Variants in GRM7 observed in about 807,000 individuals in gnomAD.
The protein encoded by GRM7 is glutamate metabotropic receptor 7.
Under a neutral mutation model 84.5 loss-of-function variants are expected in GRM7, and 35 were observed. The ratio of observed to expected loss-of-function variants is 0.41; its 90% confidence interval spans 0.32 to 0.55. GRM7 has a LOEUF of 0.55. Ranked by LOEUF, GRM7 falls within the 20% of genes least tolerant of loss-of-function variation. GRM7 has a pLI of 0.19. For synonymous variants in GRM7, 487 were observed against 455.1 expected (o/e 1.07, Z -0.89); for missense variants, 1,003 against 1,194.6 (o/e 0.84, Z 2.36).
intron 9 of GRM7, among the ~76,000 whole-genome samples, chr3:7,705,895 T>TTA (rs1032126888): frequency 6.6e-6 from 1 of 152,164 alleles, no homozygotes; most frequent in Non-Finnish European, 1.5e-5. Flanking sequence ...ATGATCTAAA[T>TTA]TATGTATCTA....
intron 1 of GRM7, among the ~76,000 whole-genome samples, chr3:7,077,606 A>G (rs1364882294): frequency 6.6e-6 from 1 of 152,088 alleles, no homozygotes; most frequent in Non-Finnish European, 1.5e-5. Flanking sequence ...TAGCATTAAG[A>G]GAAATACCTA....
chr3:7,218,245 A>C (rs1206331914), intron 2 of GRM7, among the ~76,000 whole-genome samples: 2 of 152,166 alleles, frequency 1.3e-5, no homozygotes, highest in Non-Finnish European at 2.9e-5. Context: ...CTACTAACTT[A>C]CTGACTAAAT....
At chr3:6,992,638 A>G (rs1466686827) in intron 1 of GRM7, among the ~76,000 whole-genome samples, 1 of 152,166 alleles carries the variant, frequency 6.6e-6, no homozygotes, top group African/African-American at 2.4e-5. Flanking sequence ...GGGCCAAAAG[A>G]GGAAATAGTG....
intron 1 of GRM7, among the ~76,000 whole-genome samples, chr3:7,031,435 G>C (rs1036762561): frequency 2.8e-5 from 4 of 142,946 alleles, no homozygotes; most frequent in Admixed American, 1.4e-4. Context: ...TATTTATTTT[G>C]AGATGGAGTC....
chr3:7,484,903 G>C (rs1428622693), intron 7 of GRM7, among the ~76,000 whole-genome samples: 1 of 152,126 alleles, frequency 6.6e-6, no homozygotes, highest in African/African-American at 2.4e-5. Context: ...AAAAGACTGT[G>C]GTGTCTGTCT....
intron 1 of GRM7, among the ~76,000 whole-genome samples, chr3:7,104,531 A>G (rs1429785473): frequency 6.6e-6 from 1 of 151,836 alleles, no homozygotes; most frequent in Non-Finnish European, 1.5e-5. Flanking sequence ...CTACAGAAAT[A>G]ACTCTCAAAT....
chr3:7,142,561 A>G (rs760830018), intron 1 of GRM7, among the ~76,000 whole-genome samples: 11 of 152,138 alleles, frequency 7.2e-5, no homozygotes, highest in African/African-American at 1.9e-4. Context: ...TCATGATCCA[A>G]TTGCCTCCAC....
At chr3:7,598,570 T>G (rs1696159299) in intron 8 of GRM7, among the ~76,000 whole-genome samples, 1 of 152,216 alleles carries the variant, frequency 6.6e-6, no homozygotes, top group African/African-American at 2.4e-5. Context: ...CTTGTGAGGG[T>G]TGATTGCAAG....
intron 1 of GRM7, among the ~76,000 whole-genome samples, chr3:7,043,338 A>C (rs1233818058): frequency 1.3e-5 from 2 of 151,896 alleles, no homozygotes; most frequent in East Asian, 3.9e-4. Context: ...GTCTTCCTGG[A>C]CTCTCAGCTT....
intron 8 of GRM7, among the ~76,000 whole-genome samples, chr3:7,653,656 G>C (rs182028136): frequency 2.0e-5 from 3 of 152,294 alleles, no homozygotes; most frequent in Admixed American, 2.0e-4. Context: ...TAAAATTCCT[G>C]AAGCAGCAGG....
At chr3:6,923,444 A>G (rs569063812) in intron 1 of GRM7, among the ~76,000 whole-genome samples, 3 of 152,352 alleles carry the variant, frequency 2.0e-5, no homozygotes, top group Non-Finnish European at 4.4e-5. Flanking sequence ...TGATTTATGC[A>G]TAAACTCTCA....
At chr3:7,573,071 G>C (rs1048026564) in intron 7 of GRM7, among the ~76,000 whole-genome samples, 1 of 150,886 alleles carries the variant, frequency 6.6e-6, no homozygotes, top group African/African-American at 2.4e-5. Context: ...AAAATGTCTT[G>C]AGGTGTTGCA....
Position 7,433,301 on chromosome 3 carries a change from T to C in GRM7, c.1174+18138T>C, listed in dbSNP as rs139057015. Among the ~76,000 whole-genome samples the C allele has an allele frequency of 1.3e-3, 200 of 152,320 alleles. 2 individuals are homozygous for C. The highest frequency in any genetic ancestry group is 4.5e-3 in the African/African-American group (189 of 41,578). On this transcript the variant is annotated intron_variant, in intron 5 of 9. Coordinates refer to ENST00000357716, the MANE Select transcript of GRM7 (RefSeq NM_000844.4). ...GCACATGAGTTATTTGGCATAATAGTGATGCACGTGTTTACACTTCCATTC... is the reference window on the plus strand; with the variant it reads ...GCACATGAGTTATTTGGCATAATAGCGATGCACGTGTTTACACTTCCATTC...
At chr3:6,974,272 C>G (rs1693896038) in intron 1 of GRM7, among the ~76,000 whole-genome samples, 1 of 152,022 alleles carries the variant, frequency 6.6e-6, no homozygotes. Flanking sequence ...AGATCAGGGT[C>G]TGAGTTTTGG....
rs562901354 is a variant in GRM7, at chr3:7,539,126, G to C, written c.1516-39296G>C. The stretch of plus-strand genomic sequence containing the variant: ...GGATTCTAAATACCCAAAGGTAATA[G>C]ACCATGTCTCTTGAGGTGATTTATC... On this transcript the variant is annotated intron_variant, in intron 7 of 9. Coordinates refer to ENST00000357716, the MANE Select transcript of GRM7 (RefSeq NM_000844.4). 3.3e-5 allele frequency among the ~76,000 whole-genome samples: 5 copies of C among 152,190 alleles called. No homozygotes were observed. In the East Asian group the frequency reaches 7.8e-4, roughly 24 times the overall value.
chr3:7,371,784 T>G (rs190245130), intron 4 of GRM7, among the ~76,000 whole-genome samples: 2 of 152,282 alleles, frequency 1.3e-5, no homozygotes, highest in Admixed American at 1.3e-4. Flanking sequence ...ATCCCTTTCT[T>G]TCCTCTAATG....
At chr3:7,062,758 A>G (rs1056385450) in intron 1 of GRM7, among the ~76,000 whole-genome samples, 5 of 151,786 alleles carry the variant, frequency 3.3e-5, no homozygotes, top group African/African-American at 1.2e-4. Context: ...TCAACATTAG[A>G]TGGTTGTCAT....
chr3:6,909,488 C>T (rs1250422333), intron 1 of GRM7, among the ~76,000 whole-genome samples: 1 of 152,056 alleles, frequency 6.6e-6, no homozygotes, highest in African/African-American at 2.4e-5. Context: ...ACTATCTTTC[C>T]AGCAGACAGC....
intron 9 of GRM7, among the ~76,000 whole-genome samples, chr3:7,738,162 C>T (rs1702568873): frequency 6.6e-6 from 1 of 152,098 alleles, no homozygotes; most frequent in Non-Finnish European, 1.5e-5. Flanking sequence ...CCCAATTTTA[C>T]AAAGGCTACA....
Sources: allele counts gnomAD v4.1 joint callset (sites outside exome capture counted in the v4.1 genomes callset), GRCh38; gene constraint gnomAD v4.1.1; transcripts MANE v1.5; gene names NCBI Gene and HGNC (gene_info 2026-07-23, HGNC 2026-07-21).